The following IL36B variants were observed in gnomAD, a reference collection of about 807,000 sequenced individuals.
IL36B encodes the protein interleukin-36 beta.
IL36B carries 23 observed loss-of-function variants against 19.3 expected under a neutral mutation model. That is an observed-to-expected ratio of 1.19 (90% CI 0.86 to 1.69). The LOEUF (loss-of-function observed/expected upper bound fraction) is 1.69. Ranked by LOEUF, IL36B falls within the 40% of genes most tolerant of loss-of-function variation. The pLI is 0.00. For synonymous variants in IL36B, 59 were observed against 59.7 expected (o/e 0.99, Z 0.05); for missense variants, 217 against 200.5 (o/e 1.08, Z -0.50).
chr2:113,029,069 T>C lies in IL36B; in HGVS notation c.131A>G (p.His44Arg). 1.2e-6 allele frequency: 2 copies of C among 1,612,082 alleles called. No individual in the cohort carries two copies. The highest frequency in any genetic ancestry group is 1.7e-6 in the Non-Finnish European group (2 of 1,179,270). Residue 44 changes from histidine (H) to arginine (R), a missense_variant, in exon 4 of 6, where the codon CAT becomes CGT. Coordinates refer to ENST00000259213, the MANE Select transcript of IL36B (RefSeq NM_014438.5). The stretch of plus-strand genomic sequence containing the variant: ...TTCTGTGTCTCTACAGGCTATTAAA[T>C]GAAGAGTGACTGGAAACACAAAGGA...
chr2:113,040,185 C>T (rs2862775), intron 1 of IL36B, among the ~76,000 whole-genome samples: 114,769 of 152,150 alleles, frequency 0.75, 43,741 homozygotes, highest in East Asian at 0.94. Flanking sequence ...TTTTAATAGA[C>T]AAAGTATTAG....
intron 4 of IL36B, 23 bp downstream of exon 4, chr2:113,028,916 T>C: frequency 1.2e-6 from 2 of 1,610,598 alleles, no homozygotes; most frequent in Non-Finnish European, 1.7e-6. Flanking sequence ...AGTACTTCTC[T>C]CGTTAGCTGC....
At chr2:113,043,860 G>T (rs554260807) in intron 1 of IL36B, among the ~76,000 whole-genome samples, 2 of 152,212 alleles carry the variant, frequency 1.3e-5, no homozygotes, top group Non-Finnish European at 2.9e-5. Flanking sequence ...AGCCACACTG[G>T]TTGTATTTGT....
At chr2:113,028,166 A>T in intron 4 of IL36B, 51 bp from the exon 5 acceptor site, 2 of 1,443,140 alleles carry the variant, frequency 1.4e-6, no homozygotes, top group Non-Finnish European at 1.9e-6. Context: ...GGAGGAAGCT[A>T]AAGTAACTCA....
chr2:113,022,814 G>T, intron 5 of IL36B: 1 of 1,382,388 alleles, frequency 7.2e-7, no homozygotes, highest in Non-Finnish European at 1.0e-6. Context: ...GGCTTAGCAA[G>T]ATGTGGACAT....
chr2:113,025,999 G>T, intron 5 of IL36B: 9 of 1,499,690 alleles, frequency 6.0e-6, no homozygotes, highest in Non-Finnish European at 8.1e-6. Flanking sequence ...CCTGCCATGG[G>T]TGATTATGTC....
At chr2:113,027,083 C>A (rs1292629761) in intron 4 of IL36B, among the ~76,000 whole-genome samples, 6 of 152,254 alleles carry the variant, frequency 3.9e-5, no homozygotes, top group South Asian at 2.1e-4. Flanking sequence ...TGTATTCTTA[C>A]AATGAAGTAG....
intron 1 of IL36B, among the ~76,000 whole-genome samples, chr2:113,036,298 TTAAAAC>T (rs1404686011): frequency 3.9e-5 from 6 of 151,994 alleles, no homozygotes; most frequent in Non-Finnish European, 5.9e-5. Context: ...AAAAAAAAGA[TTAAAAC>T]TAATTAGTCA....
intron 1 of IL36B, among the ~76,000 whole-genome samples, chr2:113,032,416 A>G (rs35932673): frequency 6.6e-6 from 1 of 152,218 alleles, no homozygotes; most frequent in Non-Finnish European, 1.5e-5. Flanking sequence ...CAAGAATATC[A>G]CAGACACTCC....
At chr2:113,044,260 ATGTGTGTGTGTGTG>A (rs56838257) in intron 1 of IL36B, among the ~76,000 whole-genome samples, 3,468 of 142,336 alleles carry the variant, frequency 0.024, 102 homozygotes, top group African/African-American at 0.07. Context: ...CTATATCTAT[ATGTGTGTGTGTGTG>A]TGTGTGTGTG....
Position 113,022,821 on chromosome 2 carries a change from A to G in IL36B, c.392-44T>C, listed in dbSNP as rs758431269. 13 of 1,319,822 alleles carry G rather than the reference A, an allele frequency of 9.8e-6. No individual in the cohort carries two copies. The South Asian group carries it at 1.3e-4, about 13-fold the overall frequency. 81.8% of individuals were successfully genotyped at this position (1,319,822 alleles called of 1,614,324 possible). On this transcript the variant is annotated intron_variant, in intron 5 of 5. Transcript: ENST00000259213. ...ATCTCCTAGGCTTAGCAAGATGTGG[A>G]CATTTGCTAAACCACCAATTGAATA...
intron 5 of IL36B, among the ~76,000 whole-genome samples, chr2:113,023,951 A>T (rs1158404512): frequency 6.6e-6 from 1 of 152,226 alleles, no homozygotes; most frequent in African/African-American, 2.4e-5. Flanking sequence ...GCAAGCTTAT[A>T]GAGCTTTTTA....
At chr2:113,031,657 A>G in intron 2 of IL36B, 40 bp downstream of exon 2, 3 of 1,561,480 alleles carry the variant, frequency 1.9e-6, no homozygotes, top group Non-Finnish European at 2.6e-6. Context: ...ATGAGGTCAG[A>G]TGGAGATATT....
chr2:113,025,355 A>T (rs1183451264), intron 5 of IL36B, among the ~76,000 whole-genome samples: 1 of 152,194 alleles, frequency 6.6e-6, no homozygotes, highest in Non-Finnish European at 1.5e-5. Flanking sequence ...ATAATGCAAG[A>T]TTCTCCCTGA....
chr2:113,022,619 T>C lies in IL36B; in HGVS notation c.*55A>G, dbSNP rs923725670. On this transcript the variant is annotated 3_prime_UTR_variant, in exon 6 of 6. Coordinates refer to ENST00000259213, the MANE Select transcript of IL36B (RefSeq NM_014438.5). ...AACTTATTCCATTTGTAGCATTTCA[T>C]TGATAGCAAACCCACTCAAAGATTG... 1.8e-6 allele frequency: 2 copies of C among 1,141,108 alleles called. No homozygotes were observed. The highest frequency in any genetic ancestry group is 3.1e-5 in the African/African-American group (2 of 65,498). 70.7% of individuals were successfully genotyped at this position (1,141,108 alleles called of 1,614,324 possible).
chr2:113,030,677 G>T (rs140075867), intron 3 of IL36B, among the ~76,000 whole-genome samples: 1 of 152,332 alleles, frequency 6.6e-6, no homozygotes, highest in African/African-American at 2.4e-5. Context: ...AACTTAGAAA[G>T]CTGTGTAGGT....
At chr2:113,031,247 GGA>G in intron 2 of IL36B, 92 bp from the exon 3 acceptor site, 1 of 828,440 alleles carries the variant, frequency 1.2e-6, no homozygotes, top group Non-Finnish European at 2.1e-6. Flanking sequence ...TTGAGTTTCT[GGA>G]GAGAGTCTCA....
At chr2:113,025,499 A>T (rs1423933889) in intron 5 of IL36B, among the ~76,000 whole-genome samples, 1 of 152,182 alleles carries the variant, frequency 6.6e-6, no homozygotes, top group African/African-American at 2.4e-5. Context: ...GAAAGAGACA[A>T]ATTTCTGCCT....
chr2:113,040,887 G>A (rs1465443513), intron 1 of IL36B, among the ~76,000 whole-genome samples: 2 of 152,072 alleles, frequency 1.3e-5, no homozygotes, highest in African/African-American at 4.8e-5. Context: ...CAGTCATAGT[G>A]GCTCACGCCT....
Sources: gnomAD v4.1 joint callset for allele counts (sites outside exome capture counted in the v4.1 genomes callset) on GRCh38, gnomAD v4.1.1 for gene constraint, MANE v1.5 for transcripts, NCBI Gene and HGNC (gene_info 2026-07-23, HGNC 2026-07-21) for gene names.